The following FARP2 variants were observed in gnomAD, a reference collection of about 807,000 sequenced individuals.
FARP2 encodes the protein FERM, ARH/RhoGEF and pleckstrin domain protein 2.
FARP2 carries 111 observed loss-of-function variants against 130.5 expected under a neutral mutation model. The ratio of observed to expected loss-of-function variants is 0.85; its 90% CI spans 0.73 to 1.00. FARP2 has a LOEUF of 1.00. Ranked by LOEUF, FARP2 falls within the 50% of genes least tolerant of loss-of-function variation. FARP2 has a pLI of 0.00. For missense variants in FARP2, 1,385 were observed against 1,346.3 expected, an observed-to-expected ratio of 1.03 and a Z score of -0.45; for synonymous variants, 504 against 516.9, an observed-to-expected ratio of 0.98 and a Z score of 0.34.
rs528234350 is a variant in FARP2, at chr2:241,428,440, C to T, written c.772-3239C>T. Among the ~76,000 whole-genome samples, 462 of 151,440 alleles carry T rather than the reference C, an allele frequency of 3.1e-3. 2 individuals are homozygous for T. Among genetic ancestry groups the T allele is most frequent in the African/African-American group, 0.011 (446 of 41,278 alleles). Reference sequence around the variant, plus strand: ...TTAATTCCTGACCTCAGGTGATCTGCTCACCTCAGCCTCCCAAAGTGCTGG... The same window carrying T: ...TTAATTCCTGACCTCAGGTGATCTGTTCACCTCAGCCTCCCAAAGTGCTGG... On this transcript the variant is annotated intron_variant, in intron 8 of 26. Transcript: ENST00000264042.
chr2:241,407,127 C>T (rs931641525), intron 4 of FARP2, among the ~76,000 whole-genome samples: 2 of 152,120 alleles, frequency 1.3e-5, no homozygotes, highest in African/African-American at 4.8e-5. Context: ...TTTAAGGCTT[C>T]CTTGAGTAAT....
In FARP2 at chr2:241,385,686, C is replaced by T. The variant is rs2061767148; in HGVS notation, c.183+12396C>T. ...AGTGAGCCGTGATTGCACCACTGCA[C>T]TCCAGCCTGGGTGACAGAGCCAGAC... On this transcript the variant is annotated intron_variant, in intron 2 of 26. Coordinates refer to ENST00000264042, the MANE Select transcript of FARP2 (RefSeq NM_014808.4). Among the ~76,000 whole-genome samples the T allele has an allele frequency of 2.0e-5, 3 of 152,048 alleles. No homozygotes were observed. In the South Asian group the frequency reaches 6.2e-4, roughly 32 times the overall value.
intron 13 of FARP2, among the ~76,000 whole-genome samples, chr2:241,453,372 C>T (rs959762455): frequency 2.6e-5 from 4 of 151,526 alleles, no homozygotes; most frequent in Non-Finnish European, 4.4e-5. Context: ...CCTGTAATCC[C>T]AGCACTTTGG....
At chr2:241,401,937 G>A (rs1232854242) in intron 2 of FARP2, among the ~76,000 whole-genome samples, 1 of 152,006 alleles carries the variant, frequency 6.6e-6, no homozygotes, top group Non-Finnish European at 1.5e-5. Flanking sequence ...TTACAGGCGT[G>A]CACCACCATA....
rs2064073132 is a variant in FARP2 at position 241,463,258 on chromosome 2, C to T, written c.1678-77C>T. On this transcript the variant is annotated intron_variant, in intron 15 of 26. Transcript: ENST00000264042. Reference sequence around the variant, plus strand: ...AGGGTCATCACTGGGTGACCTATGGCTACAGGCCCTCAGGGGCACAGTTTC... The same window carrying T: ...AGGGTCATCACTGGGTGACCTATGGTTACAGGCCCTCAGGGGCACAGTTTC... The T allele has an allele frequency of 2.0e-5, 30 of 1,533,054 alleles. 1 individual carries two copies. The East Asian group carries it at 6.8e-4, about 35-fold the overall frequency. 95.0% of individuals were successfully genotyped at this position (1,533,054 alleles called of 1,614,324 possible). A position where few individuals can be genotyped will look rare whatever the true frequency, so the allele number is the denominator to read the frequency against.
Position 241,392,182 on chromosome 2 carries a change from TCA to T in FARP2, c.184-11645_184-11644del, listed in dbSNP as rs577352378. 6.2e-4 allele frequency among the ~76,000 whole-genome samples: 95 copies of T among 152,254 alleles called. 1 individual carries two copies. Among genetic ancestry groups the T allele is most frequent in the African/African-American group, 2.2e-3 (91 of 41,548 alleles). On this transcript the variant is annotated intron_variant, in intron 2 of 26. Coordinates refer to ENST00000264042, the MANE Select transcript of FARP2 (RefSeq NM_014808.4). Reference sequence around the variant, plus strand: ...AGTGGGACCGGAATGCCAGTGAAACTCATAGGATGGTGTGAGCCGCTGGCTCT... The same window carrying T: ...AGTGGGACCGGAATGCCAGTGAAACTTAGGATGGTGTGAGCCGCTGGCTCT...
At chr2:241,425,977 C>T (rs1341495400) in intron 8 of FARP2, among the ~76,000 whole-genome samples, 1 of 150,948 alleles carries the variant, frequency 6.6e-6, no homozygotes, top group African/African-American at 2.4e-5. Context: ...GAATTCTGTG[C>T]TCTGTTCCAC....
rs185572852 is a variant in FARP2 at position 241,372,995 on chromosome 2, C to T, written c.-24-89C>T. The stretch of plus-strand genomic sequence containing the variant: ...TTGCAGTAATAGTACAGAGGATTCC[C>T]GTGTCTCCGATAATTTGTCTTTTAC... On this transcript the variant is annotated intron_variant, in intron 1 of 26. Transcript: ENST00000264042. 1,910 of 596,750 alleles carry T rather than the reference C, an allele frequency of 3.2e-3. 11 individuals are homozygous for T. The highest frequency in any genetic ancestry group is 3.5e-3 in the Non-Finnish European group (1,357 of 387,394). The allele number at this position is 596,750 out of a possible 1,614,324, so 37.0% of individuals were successfully genotyped here. A position where few individuals can be genotyped will look rare whatever the true frequency, so the allele number is the denominator to read the frequency against.
chr2:241,442,294 T>C, intron 13 of FARP2: 1 of 456,748 alleles, frequency 2.2e-6, no homozygotes, highest in Admixed American at 2.3e-5. Flanking sequence ...CAGCTCGGCC[T>C]TCCAGTTCTC....
rs773379873 is a variant in FARP2 at position 241,494,146 on chromosome 2, G to A, written c.*21G>A. ...AATGACGCTCAACCTGCCCAGGTTTGGACACAACTACAAAGAACAGCAGGA... is the reference window on the plus strand; with the variant it reads ...AATGACGCTCAACCTGCCCAGGTTTAGACACAACTACAAAGAACAGCAGGA... On this transcript the variant is annotated 3_prime_UTR_variant, in exon 27 of 27. Transcript: ENST00000264042. The surrounding 1 kb of genome is among the most constrained non-coding windows in gnomAD (Gnocchi z 4.9). 7.2e-7 allele frequency: 1 copy of A among 1,396,126 alleles called. No individual in the cohort carries two copies. The highest frequency in any genetic ancestry group is 9.5e-7 in the Non-Finnish European group (1 of 1,047,768). 86.5% of individuals were successfully genotyped at this position (1,396,126 alleles called of 1,614,324 possible). A position where few individuals can be genotyped will look rare whatever the true frequency, so the allele number is the denominator to read the frequency against.
intron 13 of FARP2, chr2:241,442,424 T>C: frequency 2.2e-6 from 1 of 456,696 alleles, no homozygotes; most frequent in African/African-American, 2.0e-5. Flanking sequence ...ATAAGCCTTT[T>C]CTTCAGCAAC....
At chr2:241,461,359 A>C (rs1482302864) in intron 14 of FARP2, among the ~76,000 whole-genome samples, 1 of 151,984 alleles carries the variant, frequency 6.6e-6, no homozygotes, top group African/African-American at 2.4e-5. Flanking sequence ...GTCTGCTCTC[A>C]TCCTGGGGCC....
At chr2:241,454,781 G>A (rs1305310339) in intron 13 of FARP2, among the ~76,000 whole-genome samples, 1 of 152,184 alleles carries the variant, frequency 6.6e-6, no homozygotes, top group Admixed American at 6.5e-5. Flanking sequence ...CTATAGTGAT[G>A]TTACCTAGGT....
At chr2:241,479,609 C>T (rs950885519) in intron 19 of FARP2, among the ~76,000 whole-genome samples, 2 of 152,258 alleles carry the variant, frequency 1.3e-5, no homozygotes, top group African/African-American at 2.4e-5. Context: ...TTTGTATTTT[C>T]CAGGCGAGAG....
intron 1 of FARP2, among the ~76,000 whole-genome samples, chr2:241,366,120 T>TATATATATATAC (rs1238134390): frequency 0.063 from 2,435 of 38,716 alleles, 63 homozygotes; most frequent in Non-Finnish European, 0.094. Context: ...TATATATATA[T>TATATATATATAC]ACGTATATAT....
intron 1 of FARP2, among the ~76,000 whole-genome samples, chr2:241,356,785 C>T (rs935077390): frequency 6.6e-6 from 1 of 152,330 alleles, no homozygotes; most frequent in East Asian, 1.9e-4. Flanking sequence ...TGTCCCATCC[C>T]GGAAGGACAC....
chr2:241,361,250 C>T (rs940561966), intron 1 of FARP2, among the ~76,000 whole-genome samples: 2 of 152,176 alleles, frequency 1.3e-5, no homozygotes, highest in Middle Eastern at 3.2e-3. Context: ...CCACAGGATC[C>T]CTGGCCCTTC....
At chr2:241,468,461 C>A in intron 18 of FARP2, 84 bp downstream of exon 18, 1 of 1,003,560 alleles carries the variant, frequency 1.0e-6, no homozygotes, top group Non-Finnish European at 1.5e-6. Context: ...CTGAAGACTT[C>A]CTTCACTGGG....
chr2:241,491,849 C>T (rs113204057), intron 24 of FARP2, among the ~76,000 whole-genome samples, 170 bp downstream of exon 24: 4 of 152,298 alleles, frequency 2.6e-5, no homozygotes, highest in African/African-American at 9.6e-5. Context: ...GCCCCTCATC[C>T]AGTCAAGCCC....
Sources: allele counts gnomAD v4.1 joint callset (sites outside exome capture counted in the v4.1 genomes callset), GRCh38; gene constraint gnomAD v4.1.1; non-coding constraint Gnocchi (gnomAD v3.1); transcripts MANE v1.5; gene names NCBI Gene and HGNC (gene_info 2026-07-23, HGNC 2026-07-21).